Variants in FAF1 observed in about 807,000 individuals in gnomAD.
FAF1 encodes FAS-associated factor 1.
Under a neutral mutation model 92.5 loss-of-function variants are expected in FAF1, and 25 were observed. The observed-to-expected ratio is 0.27, with a 90% CI of 0.20 to 0.38. The LOEUF (loss-of-function observed/expected upper bound fraction) is 0.38. Ranked by LOEUF, FAF1 falls within the 10% of genes least tolerant of loss-of-function variation. The probability of loss-of-function intolerance (pLI) is 1.00; values close to 1 mark genes in which losing one functional copy is unlikely to be tolerated. For missense variants in FAF1, 636 were observed against 793.3 expected, an observed-to-expected ratio of 0.80 and a Z score of 2.38; for synonymous variants, 234 against 273.2, an observed-to-expected ratio of 0.86 and a Z score of 1.42.
chr1:50,535,287 C>A, intron 15 of FAF1, 82 bp downstream of exon 15: 3 of 912,910 alleles, frequency 3.3e-6, no homozygotes, highest in Non-Finnish European at 5.3e-6. Flanking sequence ...TCGATCATAT[C>A]ATAGGCATGT....
chr1:50,705,220 G>T (rs1171009189), intron 7 of FAF1, among the ~76,000 whole-genome samples: 3 of 152,160 alleles, frequency 2.0e-5, no homozygotes, highest in Admixed American at 6.5e-5. Context: ...CTTGGGGGAG[G>T]TTCTCTTTTG....
chr1:50,662,236 G>T (rs1340394400), intron 7 of FAF1, among the ~76,000 whole-genome samples: 1 of 152,102 alleles, frequency 6.6e-6, no homozygotes, highest in Non-Finnish European at 1.5e-5. Flanking sequence ...TCTGTTTCAA[G>T]AAATCTATAA....
At chr1:50,495,940 C>T (rs182573660) in intron 15 of FAF1, among the ~76,000 whole-genome samples, 19 of 152,038 alleles carry the variant, frequency 1.2e-4, no homozygotes, top group Admixed American at 7.9e-4. Flanking sequence ...CCTCTATCTC[C>T]GAGACAATAG....
intron 8 of FAF1, among the ~76,000 whole-genome samples, chr1:50,621,436 G>A (rs1299478013): frequency 9.2e-6 from 1 of 108,782 alleles, no homozygotes; most frequent in Non-Finnish European, 1.7e-5. Flanking sequence ...GTCTCACTCT[G>A]TAGCCCAAGC....
At chr1:50,591,507 A>G (rs1465867654) in intron 9 of FAF1, among the ~76,000 whole-genome samples, 1 of 152,076 alleles carries the variant, frequency 6.6e-6, no homozygotes, top group Non-Finnish European at 1.5e-5. Flanking sequence ...CCTCGTCTCT[A>G]CTAAAAATAC....
intron 8 of FAF1, among the ~76,000 whole-genome samples, chr1:50,641,230 A>G (rs1482297467): frequency 3.3e-5 from 5 of 151,952 alleles, no homozygotes; most frequent in Non-Finnish European, 7.4e-5. Flanking sequence ...ATGTCATTTA[A>G]TCTACTTGGA....
intron 7 of FAF1, among the ~76,000 whole-genome samples, chr1:50,689,058 G>C (rs908202822): frequency 1.2e-4 from 19 of 152,146 alleles, no homozygotes; most frequent in Non-Finnish European, 2.5e-4. Context: ...AATGGGTACA[G>C]AGTTTTAGTT....
chr1:50,746,895 T>G (rs1205778103), intron 4 of FAF1, among the ~76,000 whole-genome samples: 1 of 152,172 alleles, frequency 6.6e-6, no homozygotes, highest in African/African-American at 2.4e-5. Flanking sequence ...GCTCCCTGCA[T>G]CCTGGCTGCT....
intron 8 of FAF1, among the ~76,000 whole-genome samples, chr1:50,647,256 G>T (rs1317383618): frequency 1.3e-5 from 2 of 152,306 alleles, no homozygotes; most frequent in African/African-American, 4.8e-5. Flanking sequence ...TATAATAATA[G>T]TTAAGTCTTG....
At chr1:50,811,629 A>C (rs1370763650) in intron 2 of FAF1, among the ~76,000 whole-genome samples, 1 of 152,224 alleles carries the variant, frequency 6.6e-6, no homozygotes, top group Non-Finnish European at 1.5e-5. Flanking sequence ...AAATGGCCAC[A>C]CTGCCTAAAG....
chr1:50,455,989 C>T (rs1303980389), intron 18 of FAF1, among the ~76,000 whole-genome samples: 2 of 152,004 alleles, frequency 1.3e-5, no homozygotes, highest in East Asian at 1.9e-4. Flanking sequence ...GCAGGAGAAT[C>T]GCTTGAGCCT....
chr1:50,567,414 T>C (rs185801176), intron 12 of FAF1, among the ~76,000 whole-genome samples, 183 bp from the exon 13 acceptor site: 72 of 152,238 alleles, frequency 4.7e-4, no homozygotes, highest in African/African-American at 1.7e-3. Context: ...TTTTACTTTC[T>C]TACACTTTAA....
chr1:50,680,319 A>T (rs1656362379), intron 7 of FAF1, among the ~76,000 whole-genome samples: 1 of 152,208 alleles, frequency 6.6e-6, no homozygotes, highest in South Asian at 2.1e-4. Flanking sequence ...CACAGAAGTT[A>T]TAATATTCTC....
At chr1:50,493,609 A>T (rs898970831) in intron 15 of FAF1, among the ~76,000 whole-genome samples, 6 of 152,196 alleles carry the variant, frequency 3.9e-5, no homozygotes, top group Non-Finnish European at 5.9e-5. Context: ...TTAATGCTAA[A>T]CTACCCCATG....
intron 12 of FAF1, among the ~76,000 whole-genome samples, chr1:50,582,170 T>C (rs1440779650): frequency 6.6e-6 from 1 of 152,102 alleles, no homozygotes; most frequent in Admixed American, 6.6e-5. Context: ...AACTAGTCAT[T>C]TGCGTAACTG....
At chr1:50,454,397 A>G in intron 18 of FAF1, among the ~76,000 whole-genome samples, 1 of 152,178 alleles carries the variant, frequency 6.6e-6, no homozygotes, top group East Asian at 1.9e-4. Flanking sequence ...TACTTTCTCC[A>G]TAAAATCAGG....
intron 18 of FAF1, among the ~76,000 whole-genome samples, chr1:50,442,008 A>G (rs753388222): frequency 1.1e-4 from 16 of 152,072 alleles, no homozygotes; most frequent in Admixed American, 6.5e-5. Context: ...GAGGGGAGGC[A>G]TATCATACCC....
At chr1:50,814,015 CTTTAA>C (rs1249752679) in intron 2 of FAF1, among the ~76,000 whole-genome samples, 2 of 151,966 alleles carry the variant, frequency 1.3e-5, no homozygotes, top group Non-Finnish European at 2.9e-5. Context: ...TTATGATAAA[CTTTAA>C]TTTATAAATT....
At chr1:50,787,967 T>C in intron 4 of FAF1, 33 bp downstream of exon 4, 2 of 1,551,682 alleles carry the variant, frequency 1.3e-6, no homozygotes, top group Non-Finnish European at 1.8e-6. Flanking sequence ...TAATTATTTA[T>C]TTGTGAAGGC....
Sources: gnomAD v4.1 joint callset for allele counts (sites outside exome capture counted in the v4.1 genomes callset) on GRCh38, gnomAD v4.1.1 for gene constraint, MANE v1.5 for transcripts, NCBI Gene and HGNC (gene_info 2026-07-23, HGNC 2026-07-21) for gene names.